Variants in KCNMA1 observed in about 807,000 individuals in gnomAD.
KCNMA1 encodes potassium calcium-activated channel subfamily M alpha 1.
Under a neutral mutation model 140.0 loss-of-function variants are expected in KCNMA1, and 29 were observed. That is an observed-to-expected ratio of 0.21 (90% CI 0.15 to 0.28). The LOEUF (loss-of-function observed/expected upper bound fraction) is 0.28, where lower values mean the gene tolerates loss of function less well. Among genes scored for constraint, KCNMA1 ranks in the 10% least tolerant of loss-of-function variants. The probability of loss-of-function intolerance (pLI) is 1.00; values close to 1 mark genes in which losing one functional copy is unlikely to be tolerated. For missense variants in KCNMA1, 880 were observed against 1,602.2 expected (o/e 0.55, Z 7.70); for synonymous variants, 612 against 611.9 (o/e 1.00, Z 0.00).
intron 1 of KCNMA1, among the ~76,000 whole-genome samples, chr10:77,439,747 G>A (rs1257158181): frequency 1.3e-5 from 2 of 152,160 alleles, no homozygotes; most frequent in African/African-American, 4.8e-5. Context: ...CTGTGGCCCT[G>A]ATACCTCCTG....
intron 6 of KCNMA1, among the ~76,000 whole-genome samples, chr10:77,116,889 A>T (rs2097485566): frequency 6.6e-6 from 1 of 152,184 alleles, no homozygotes; most frequent in Admixed American, 6.5e-5. Flanking sequence ...TCTCCTGATT[A>T]AAATCCTTCA....
At chr10:77,459,538 T>C (rs892589451) in intron 1 of KCNMA1, among the ~76,000 whole-genome samples, 2 of 152,226 alleles carry the variant, frequency 1.3e-5, no homozygotes, top group African/African-American at 4.8e-5. Context: ...AAGAACTGTC[T>C]AGCATTTGAG....
At chr10:77,493,354 G>A (rs1301132105) in intron 1 of KCNMA1, among the ~76,000 whole-genome samples, 2 of 152,234 alleles carry the variant, frequency 1.3e-5, no homozygotes, top group Non-Finnish European at 2.9e-5. Flanking sequence ...TGGTTCGGAT[G>A]GCAGCAAGCT....
rs371765300 is a variant in KCNMA1 at position 77,019,129 on chromosome 10, G to A, written c.1929-30C>T. On this transcript the variant is annotated intron_variant, in intron 16 of 27. Coordinates refer to ENST00000286628, the MANE Select transcript of KCNMA1 (RefSeq NM_001161352.2). ...TCAGTGAACAAAAACAAACAGAGAA[G>A]ATACATTTGTGAGGTCATGTTCTGA... 27 of 1,198,722 alleles carry A rather than the reference G, an allele frequency of 2.3e-5. No individual in the cohort carries two copies. The African/African-American group carries it at 3.6e-4, about 16-fold the overall frequency. 74.3% of individuals were successfully genotyped at this position (1,198,722 alleles called of 1,614,324 possible).
chr10:76,880,446 GGTGCCTCCTAAGATATAAAT>G (rs2034167150), downstream of KCNMA1, among the ~76,000 whole-genome samples: 1 of 152,140 alleles, frequency 6.6e-6, no homozygotes, highest in African/African-American at 2.4e-5. Context: ...GTTTAATTTG[GGTGCCTCCTAAGATATAAAT>G]GTGTGTGTTT....
chr10:77,177,085 A>C (rs1193901848), intron 5 of KCNMA1, among the ~76,000 whole-genome samples: 1 of 152,120 alleles, frequency 6.6e-6, no homozygotes, highest in African/African-American at 2.4e-5. Flanking sequence ...GGCCTCTAGA[A>C]GCTGGAAAAG....
chr10:76,998,807 GA>G (rs1406240988), intron 19 of KCNMA1, among the ~76,000 whole-genome samples: 1 of 152,206 alleles, frequency 6.6e-6, no homozygotes, highest in Non-Finnish European at 1.5e-5. Flanking sequence ...ATTTCACATA[GA>G]GACAGACATT....
intron 19 of KCNMA1, among the ~76,000 whole-genome samples, chr10:76,996,166 G>A (rs1007607839): frequency 6.6e-6 from 1 of 152,206 alleles, no homozygotes; most frequent in Non-Finnish European, 1.5e-5. Context: ...AACCCAGTGT[G>A]TTGGGAGCTC....
rs531375602 is a variant in KCNMA1 at position 77,344,246 on chromosome 10, A to C, written c.540+59616T>G. Reference sequence around the variant, plus strand: ...GAGTTGCGTGAGGGCTCACGAGCTAAGAGGTGGAACCCAGCCAGGCTGAGT... The same window carrying C: ...GAGTTGCGTGAGGGCTCACGAGCTACGAGGTGGAACCCAGCCAGGCTGAGT... On this transcript the variant is annotated intron_variant, in intron 2 of 27. Transcript: ENST00000286628. 3.3e-5 allele frequency among the ~76,000 whole-genome samples: 5 copies of C among 152,326 alleles called. No individual in the cohort carries two copies. In the South Asian group the frequency reaches 8.3e-4, roughly 25 times the overall value.
intron 23 of KCNMA1, among the ~76,000 whole-genome samples, chr10:76,935,830 A>C (rs1159029327): frequency 6.6e-6 from 1 of 152,182 alleles, no homozygotes; most frequent in South Asian, 2.1e-4. Flanking sequence ...TCTGCTCTGC[A>C]TCCATTTGGA....
rs148325452 is a variant in KCNMA1 at position 77,006,147 on chromosome 10, T to G, written c.2093-4567A>C. On this transcript the variant is annotated intron_variant, in intron 18 of 27. Coordinates refer to ENST00000286628, the MANE Select transcript of KCNMA1 (RefSeq NM_001161352.2). ...AACCAAATTGTCAGCCAATTTCCAATGCAGAATCTTAATTTCCAGGGTGGA... is the reference window on the plus strand; with the variant it reads ...AACCAAATTGTCAGCCAATTTCCAAGGCAGAATCTTAATTTCCAGGGTGGA... Among the ~76,000 whole-genome samples, 6 of 152,320 alleles carry G rather than the reference T, an allele frequency of 3.9e-5. No individual in the cohort carries two copies. In the East Asian group the frequency reaches 1.2e-3, roughly 29 times the overall value.
chr10:77,490,560 G>A (rs2098520160), intron 1 of KCNMA1, among the ~76,000 whole-genome samples: 1 of 152,208 alleles, frequency 6.6e-6, no homozygotes, highest in Admixed American at 6.5e-5. Flanking sequence ...AGAGTGTGTA[G>A]AGTGCCTACA....
At chr10:77,454,087 G>A (rs1046381404) in intron 1 of KCNMA1, among the ~76,000 whole-genome samples, 1 of 152,048 alleles carries the variant, frequency 6.6e-6, no homozygotes, top group Non-Finnish European at 1.5e-5. Context: ...GCTCAAGAAT[G>A]TTTTATAGGA....
At chr10:77,417,063 G>A (rs781469131) in intron 1 of KCNMA1, among the ~76,000 whole-genome samples, 2 of 152,048 alleles carry the variant, frequency 1.3e-5, no homozygotes, top group South Asian at 2.1e-4. Context: ...CCACACCTCC[G>A]TGCTGGCTGT....
chr10:77,233,801 T>A (rs1303497934), intron 3 of KCNMA1, among the ~76,000 whole-genome samples: 1 of 152,224 alleles, frequency 6.6e-6, no homozygotes, highest in Non-Finnish European at 1.5e-5. Context: ...CCTTGTCCAC[T>A]AGAGGCGAGG....
intron 5 of KCNMA1, among the ~76,000 whole-genome samples, chr10:77,151,119 CTT>C (rs1315011873): frequency 2.0e-5 from 3 of 151,042 alleles, no homozygotes; most frequent in Admixed American, 6.6e-5. Context: ...TTCTCTCTCT[CTT>C]CTCTTCCTTC....
At chr10:77,452,673 A>G (rs2097685932) in intron 1 of KCNMA1, among the ~76,000 whole-genome samples, 1 of 152,194 alleles carries the variant, frequency 6.6e-6, no homozygotes, top group African/African-American at 2.4e-5. Context: ...CCACAGCTGT[A>G]AGTTGGGGAC....
At chr10:77,016,363 A>G (rs1165853157) in intron 17 of KCNMA1, among the ~76,000 whole-genome samples, 2 of 152,092 alleles carry the variant, frequency 1.3e-5, no homozygotes, top group Non-Finnish European at 2.9e-5. Context: ...TATGAGCCCC[A>G]CGAGAGTTGG....
At chr10:77,542,676 A>G (rs142439854) in intron 1 of KCNMA1, among the ~76,000 whole-genome samples, 3 of 152,068 alleles carry the variant, frequency 2.0e-5, no homozygotes, top group Non-Finnish European at 4.4e-5. Context: ...ACAAAAACCA[A>G]TAAGTGAAGG....
Sources: gnomAD v4.1 joint callset for allele counts (sites outside exome capture counted in the v4.1 genomes callset) on GRCh38, gnomAD v4.1.1 for gene constraint, MANE v1.5 for transcripts, NCBI Gene and HGNC (gene_info 2026-07-23, HGNC 2026-07-21) for gene names.